The following ANKRD16 variants were observed in gnomAD, a reference collection of about 807,000 sequenced individuals.
ANKRD16 encodes ankyrin repeat domain 16.
ANKRD16 carries 35 observed loss-of-function variants against 37.9 expected under a neutral mutation model. That is an observed-to-expected ratio of 0.92 (90% CI 0.71 to 1.23). ANKRD16 has a LOEUF of 1.23. Among genes scored for constraint, ANKRD16 ranks in the 50% most tolerant of loss-of-function variants. ANKRD16 has a pLI of 0.00. For missense variants in ANKRD16, 480 were observed against 469.9 expected (o/e 1.02, Z -0.20); for synonymous variants, 206 against 197.2 (o/e 1.04, Z -0.37).
rs1413100284 is a variant in ANKRD16 at position 5,864,921 on chromosome 10, G to A, written c.*34-2230C>T. On this transcript the variant is annotated intron_variant, in intron 7 of 7. Transcript: ENST00000380094. This position sits in a 1 kb window ranked among gnomAD's most constrained non-coding sequence, Gnocchi z 4.4. ...TACTCCCCTGTCGCCCGACTCACTC[G>A]AGGGTCAATTGATCCTAAAAGGTAA... Among the ~76,000 whole-genome samples the A allele has an allele frequency of 1.3e-5, 2 of 152,174 alleles. No homozygotes were observed. The highest frequency in any genetic ancestry group is 6.6e-5 in the Admixed American group (1 of 15,256).
chr10:5,877,440 T>C (rs1818195951), intron 7 of ANKRD16, among the ~76,000 whole-genome samples: 1 of 152,240 alleles, frequency 6.6e-6, no homozygotes, highest in Non-Finnish European at 1.5e-5. Context: ...CATGTATTTA[T>C]TACTTGAAGG....
rs1355430838 is a variant in ANKRD16, at chr10:5,874,871, G to A, written c.*33+3226C>T. Among the ~76,000 whole-genome samples, 2 of 152,198 alleles carry A rather than the reference G, an allele frequency of 1.3e-5. No individual in the cohort carries two copies. Among genetic ancestry groups the A allele is most frequent in the Non-Finnish European group, 2.9e-5 (2 of 68,030 alleles). Reference sequence around the variant, plus strand: ...GCTGGAGACAGAAGCTGGTACGCATGAGCACGGAGGGCCAGCCTGACAGAG... The same window carrying A: ...GCTGGAGACAGAAGCTGGTACGCATAAGCACGGAGGGCCAGCCTGACAGAG... On this transcript the variant is annotated intron_variant, in intron 7 of 7. Transcript: ENST00000380094. This position sits in a 1 kb window ranked among gnomAD's most constrained non-coding sequence, Gnocchi z 4.7.
At chr10:5,872,765 C>T (rs570195714) in intron 7 of ANKRD16, among the ~76,000 whole-genome samples, 16 of 151,896 alleles carry the variant, frequency 1.1e-4, no homozygotes, top group South Asian at 2.1e-4. Context: ...ACCGTGTTAG[C>T]CAAGATGGTC....
chr10:5,887,707 C>CCCCCG, intron 2 of ANKRD16, 140 bp downstream of exon 2: 1 of 191,100 alleles, frequency 5.2e-6, no homozygotes, highest in Non-Finnish European at 1.1e-5. Context: ...CCCCTCCCCC[C>CCCCCG]CAGATGTTCT....
chr10:5,878,040 G>C lies in ANKRD16; in HGVS notation c.*33+57C>G, dbSNP rs530089775. 26 of 1,515,954 alleles carry C rather than the reference G, an allele frequency of 1.7e-5. No individual in the cohort carries two copies. In the East Asian group the frequency reaches 6.0e-4, roughly 35 times the overall value. The allele number at this position is 1,515,954 out of a possible 1,614,324, so 93.9% of individuals were successfully genotyped here. The stretch of plus-strand genomic sequence containing the variant: ...AGGAAGTGGAGGAGATGGAAAACTG[G>C]CTTCCAACTGGTTTCGCTGAATCTG... On this transcript the variant is annotated intron_variant, in intron 7 of 7. Coordinates refer to ENST00000380094, the MANE Select transcript of ANKRD16 (RefSeq NM_019046.3). This position sits in a 1 kb window ranked among gnomAD's most constrained non-coding sequence, Gnocchi z 5.1.
At chr10:5,888,815 T>G (rs1019296377) in intron 1 of ANKRD16, among the ~76,000 whole-genome samples, 2 of 152,108 alleles carry the variant, frequency 1.3e-5, no homozygotes, top group Non-Finnish European at 2.9e-5. Flanking sequence ...GAAAGGGAGG[T>G]GACTGCCCCG....
chr10:5,889,077 C>G lies in ANKRD16; in HGVS notation c.278G>C (p.Arg93Pro). Residue 93 changes from arginine (R) to proline (P), a missense_variant, in exon 1 of 8, where the codon CGG becomes CCG. Coordinates refer to ENST00000380094, the MANE Select transcript of ANKRD16 (RefSeq NM_019046.3). ...CTTCAGGCAGTCGACCGCTGCCCCC[C>G]GGCCCAGCAGGTAGCGCACGCAGTC... Reference protein sequence around the residue: ...HRDCVRYLLGRGAAVDCLKKA... With the variant: ...HRDCVRYLLGPGAAVDCLKKA... 8.3e-6 allele frequency: 13 copies of G among 1,564,690 alleles called. No homozygotes were observed. The highest frequency in any genetic ancestry group is 1.0e-5 in the Non-Finnish European group (12 of 1,161,820).
At position 5,889,351 on chromosome 10, in the gene ANKRD16, C is replaced by T. The variant is rs1842549189; in HGVS notation, c.4G>A (p.Ala2Thr). Residue 2 changes from alanine to threonine, a missense_variant, in exon 1 of 8, where the codon GCC (alanine) becomes ACC (threonine). Coordinates refer to ENST00000380094, the MANE Select transcript of ANKRD16 (RefSeq NM_019046.3). M[A>T]QPGDPRRLCR... ...AGGCGCCGCGGGTCCCCGGGCTGGG[C>T]CATCGCCGCGGGTCGGGCCGGGCTG... is the stretch of plus-strand genomic sequence containing the variant. 8.1e-7 allele frequency: 1 copy of T among 1,231,324 alleles called. No homozygotes were observed. Among genetic ancestry groups the T allele is most frequent in the Non-Finnish European group, 1.0e-6 (1 of 989,500 alleles). 76.3% of individuals were successfully genotyped at this position (1,231,324 alleles called of 1,614,324 possible).
Position 5,883,137 on chromosome 10 carries a change from C to T in ANKRD16, c.718G>A (p.Ala240Thr), listed in dbSNP as rs369380419. 10 of 1,613,930 alleles carry T rather than the reference C, an allele frequency of 6.2e-6. No homozygotes were observed. The highest frequency in any genetic ancestry group is 1.6e-4 in the Middle Eastern group (1 of 6,062). Reference protein sequence around the residue: ...ACLSAEDSLGAQALHRAAVTG... With the variant: ...ACLSAEDSLGTQALHRAAVTG... The stretch of plus-strand genomic sequence containing the variant: ...ACAGCTGCCCTGTGCAGAGCCTGGG[C>T]ACCCAGGCTGTCTTCTGCTGAAAGG... Residue 240 changes from alanine (A) to threonine (T), a missense_variant, in exon 5 of 8, where the codon GCC (alanine) becomes ACC (threonine). Physicochemically the swap from Ala to Thr is moderately conservative, Grantham distance 58. Coordinates refer to ENST00000380094, the MANE Select transcript of ANKRD16 (RefSeq NM_019046.3).
At chr10:5,884,912 C>T (rs1210462389) in intron 3 of ANKRD16, among the ~76,000 whole-genome samples, 1 of 152,116 alleles carries the variant, frequency 6.6e-6, no homozygotes, top group South Asian at 2.1e-4. Flanking sequence ...CTGGAATGGT[C>T]CCTTGCCTCC....
At chr10:5,884,102 G>A (rs757578532) in intron 3 of ANKRD16, 25 bp from the exon 4 acceptor site, 4 of 1,599,946 alleles carry the variant, frequency 2.5e-6, no homozygotes, top group Middle Eastern at 1.7e-4. Context: ...CCAAGTAAGA[G>A]CTGAGAAAAT....
In ANKRD16 at chr10:5,874,724, C is replaced by T. The variant is rs1842158788; in HGVS notation, c.*33+3373G>A. On this transcript the variant is annotated intron_variant, in intron 7 of 7. Coordinates refer to ENST00000380094, the MANE Select transcript of ANKRD16 (RefSeq NM_019046.3). The surrounding 1 kb of genome is among the most constrained non-coding windows in gnomAD (Gnocchi z 4.7). ...TGGCCTCAGAACATCCATGCAGAAA[C>T]GTAAGCAGGCAGTGGAAAGTAAGGG... Among the ~76,000 whole-genome samples the T allele has an allele frequency of 1.3e-5, 2 of 152,100 alleles. No homozygotes were observed. The highest frequency in any genetic ancestry group is 1.9e-4 in the East Asian group (1 of 5,172).
At chr10:5,881,938 CA>C (rs1262183499) in intron 5 of ANKRD16, among the ~76,000 whole-genome samples, 1 of 151,994 alleles carries the variant, frequency 6.6e-6, no homozygotes, top group Non-Finnish European at 1.5e-5. Flanking sequence ...CCACCTGCCT[CA>C]GCCTCCCAAA....
At chr10:5,883,231 G>A (rs1455348312) in intron 4 of ANKRD16, 64 bp from the exon 5 acceptor site, 17 of 1,533,394 alleles carry the variant, frequency 1.1e-5, no homozygotes, top group Non-Finnish European at 1.4e-5. Flanking sequence ...CTTAGATCTG[G>A]GCATCTGCTG....
chr10:5,873,140 C>T (rs1012779239), intron 7 of ANKRD16, among the ~76,000 whole-genome samples: 5 of 151,752 alleles, frequency 3.3e-5, no homozygotes, highest in African/African-American at 1.2e-4. Flanking sequence ...AGCAATTCTC[C>T]TGCCTCAGCC....
intron 7 of ANKRD16, among the ~76,000 whole-genome samples, chr10:5,872,768 A>G (rs10466293): frequency 0.24 from 36,126 of 151,276 alleles, 4,622 homozygotes; most frequent in African/African-American, 0.33. Context: ...GTGTTAGCCA[A>G]GATGGTCTTA....
At position 5,866,682 on chromosome 10, in the gene ANKRD16, C is replaced by T. The variant is rs7083699; in HGVS notation, c.*34-3991G>A. Among the ~76,000 whole-genome samples, 7,179 of 152,138 alleles carry T rather than the reference C, an allele frequency of 0.047. 494 individuals carry two copies. The highest frequency in any genetic ancestry group is 0.15 in the African/African-American group (6,109 of 41,468). ...CAAGGAGGTGGCAGTCTTACACCGC[C>T]GAAGCCATCAAAAAGGGGAAGGAGA... is the stretch of plus-strand genomic sequence containing the variant. On this transcript the variant is annotated intron_variant, in intron 7 of 7. Transcript: ENST00000380094. This position sits in a 1 kb window ranked among gnomAD's most constrained non-coding sequence, Gnocchi z 4.3.
At chr10:5,879,036 T>A (rs1842235902) in intron 6 of ANKRD16, among the ~76,000 whole-genome samples, 1 of 152,210 alleles carries the variant, frequency 6.6e-6, no homozygotes, top group Admixed American at 6.5e-5. Context: ...GCACTGAGGT[T>A]CCTGGTGTGC....
Position 5,883,076 on chromosome 10 carries a change from G to A in ANKRD16, c.779C>T (p.Ser260Phe). The change falls in exon 5 of 8, where the codon TCT becomes TTT. Residue 260 changes from serine (S) to phenylalanine (F), a missense_variant. Transcript: ENST00000380094. The stretch of plus-strand genomic sequence containing the variant: ...CACATCTACATCGACGCCAAGTTCA[G>A]AGACCAAGAATCGGATGGCTTCGTC... ...GQDEAIRFLV[S>F]ELGVDVDVRA... 1 of 1,614,142 alleles carries A rather than the reference G, an allele frequency of 6.2e-7. No individual in the cohort carries two copies. The highest frequency in any genetic ancestry group is 8.5e-7 in the Non-Finnish European group (1 of 1,180,044).
Sources: allele counts gnomAD v4.1 joint callset (sites outside exome capture counted in the v4.1 genomes callset), GRCh38; gene constraint gnomAD v4.1.1; non-coding constraint Gnocchi (gnomAD v3.1); transcripts MANE v1.5; gene names NCBI Gene and HGNC (gene_info 2026-07-23, HGNC 2026-07-21).